Variants in ROBO1 observed in about 807,000 individuals in gnomAD.
The protein encoded by ROBO1 is roundabout guidance receptor 1.
A neutral mutation model predicts 195.9 loss-of-function variants in ROBO1; 149 were observed. The observed-to-expected ratio is 0.76, with a 90% confidence interval of 0.67 to 0.87. The LOEUF is 0.87. Ranked by LOEUF, ROBO1 falls within the 40% of genes least tolerant of loss-of-function variation. The pLI, the probability that ROBO1 is intolerant of heterozygous loss-of-function variation, is 0.00. For missense variants in ROBO1, 1,933 were observed against 2,068.3 expected, an observed-to-expected ratio of 0.93 and a Z score of 1.27; for synonymous variants, 816 against 733.2, an observed-to-expected ratio of 1.11 and a Z score of -1.82.
At chr3:78,728,317 G>A (rs1424963747) in intron 5 of ROBO1, among the ~76,000 whole-genome samples, 1 of 152,080 alleles carries the variant, frequency 6.6e-6, no homozygotes, top group Non-Finnish European at 1.5e-5. Flanking sequence ...AGGCTGTCGG[G>A]TAAACTTGTC....
At chr3:78,691,847 A>T (rs1276224234) in intron 8 of ROBO1, among the ~76,000 whole-genome samples, 1 of 152,126 alleles carries the variant, frequency 6.6e-6, no homozygotes, top group Non-Finnish European at 1.5e-5. Context: ...CTATCTTTTC[A>T]TTGAAATCTA....
intron 1 of ROBO1, among the ~76,000 whole-genome samples, chr3:79,632,232 A>G (rs1945366584): frequency 6.6e-6 from 1 of 152,140 alleles, no homozygotes; most frequent in Admixed American, 6.5e-5. Context: ...AATCATCTTA[A>G]GTGTCTACCA....
intron 2 of ROBO1, among the ~76,000 whole-genome samples, chr3:79,301,392 CTG>C (rs1221708870): frequency 6.6e-6 from 1 of 152,208 alleles, no homozygotes; most frequent in Non-Finnish European, 1.5e-5. Context: ...AATTTATAAA[CTG>C]TGTGTTTTAC....
At chr3:78,839,927 T>A (rs926823458) in intron 4 of ROBO1, among the ~76,000 whole-genome samples, 12 of 152,172 alleles carry the variant, frequency 7.9e-5, no homozygotes, top group African/African-American at 2.4e-4. Flanking sequence ...TTTATTAAGA[T>A]AACAGTGAAC....
intron 8 of ROBO1, among the ~76,000 whole-genome samples, chr3:78,696,769 G>A (rs1159403324): frequency 6.9e-6 from 1 of 145,502 alleles, no homozygotes; most frequent in Non-Finnish European, 1.5e-5. Flanking sequence ...TATATAAACT[G>A]GTTTTAAGGA....
chr3:79,049,197 C>T (rs1287264404), intron 3 of ROBO1, among the ~76,000 whole-genome samples: 1 of 152,056 alleles, frequency 6.6e-6, no homozygotes, highest in Non-Finnish European at 1.5e-5. Flanking sequence ...GTAGAGAAGA[C>T]ATTAAGTGAC....
intron 2 of ROBO1, among the ~76,000 whole-genome samples, chr3:79,390,718 C>T (rs945823970): frequency 2.6e-5 from 4 of 151,890 alleles, no homozygotes; most frequent in Admixed American, 2.0e-4. Flanking sequence ...AGGGAGGAGA[C>T]AGAGGAGTCT....
intron 4 of ROBO1, among the ~76,000 whole-genome samples, chr3:78,918,683 G>A (rs1006790442): frequency 3.3e-5 from 5 of 152,022 alleles, no homozygotes; most frequent in African/African-American, 1.2e-4. Context: ...AAATTTCCAA[G>A]TTTAGACTGT....
intron 1 of ROBO1, among the ~76,000 whole-genome samples, chr3:79,728,449 G>T (rs1005735854): frequency 3.9e-5 from 6 of 152,046 alleles, no homozygotes; most frequent in Non-Finnish European, 8.8e-5. Context: ...ATAACTCTTT[G>T]TTTTGTTATA....
intron 2 of ROBO1, among the ~76,000 whole-genome samples, chr3:79,455,322 A>G (rs1272587124): frequency 6.6e-6 from 1 of 152,122 alleles, no homozygotes; most frequent in African/African-American, 2.4e-5. Flanking sequence ...ACAGCTCATT[A>G]TGGACCAGAT....
intron 2 of ROBO1, among the ~76,000 whole-genome samples, chr3:79,384,181 T>G (rs904245857): frequency 2.6e-5 from 4 of 151,986 alleles, no homozygotes; most frequent in Non-Finnish European, 5.9e-5. Flanking sequence ...ATCTTATACT[T>G]TTATTATTTT....
chr3:78,606,230 T>C (rs746455912), intron 29 of ROBO1, among the ~76,000 whole-genome samples: 21 of 152,320 alleles, frequency 1.4e-4, no homozygotes, highest in African/African-American at 2.9e-4. Context: ...TACAGAACAG[T>C]TGTGTGATCT....
chr3:79,110,120 A>C (rs2079859020), intron 3 of ROBO1, among the ~76,000 whole-genome samples: 1 of 152,104 alleles, frequency 6.6e-6, no homozygotes. Context: ...CAAAATGGGG[A>C]CAATAAAACC....
chr3:78,827,884 T>C (rs1043743570), intron 4 of ROBO1, among the ~76,000 whole-genome samples: 2 of 152,178 alleles, frequency 1.3e-5, no homozygotes, highest in African/African-American at 4.8e-5. Context: ...TAAATGTTAA[T>C]CTAATCTGAA....
rs546722915 is a variant in ROBO1 at position 79,412,663 on chromosome 3, G to T, written c.88+177161C>A. ...AACAATCATCTTTCTTACTTAGCTT[G>T]TACTGTGGGATTTCTGTATTCAGAG... On this transcript the variant is annotated intron_variant, in intron 2 of 30. Coordinates refer to ENST00000464233, the MANE Select transcript of ROBO1 (RefSeq NM_002941.4). Among the ~76,000 whole-genome samples the T allele has an allele frequency of 1.2e-3, 190 of 152,134 alleles. 1 individual carries two copies. Among genetic ancestry groups the T allele is most frequent in the African/African-American group, 4.4e-3 (184 of 41,526 alleles).
At chr3:78,799,593 G>A (rs1196883963) in intron 4 of ROBO1, among the ~76,000 whole-genome samples, 1 of 151,844 alleles carries the variant, frequency 6.6e-6, no homozygotes, top group African/African-American at 2.4e-5. Flanking sequence ...CACCCACCTT[G>A]GCCTCCCAAA....
intron 2 of ROBO1, among the ~76,000 whole-genome samples, chr3:79,358,402 T>C (rs777742419): frequency 6.6e-6 from 1 of 152,052 alleles, no homozygotes. Context: ...CTGTGTCTCC[T>C]CTTTGGATTT....
At chr3:78,614,393 T>C (rs1459639372) in intron 28 of ROBO1, among the ~76,000 whole-genome samples, 3 of 152,222 alleles carry the variant, frequency 2.0e-5, no homozygotes, top group African/African-American at 4.8e-5. Context: ...TTTGAAACTA[T>C]AAAATAACTT....
At chr3:79,085,368 T>C (rs942694250) in intron 3 of ROBO1, among the ~76,000 whole-genome samples, 1 of 152,188 alleles carries the variant, frequency 6.6e-6, no homozygotes, top group Admixed American at 6.5e-5. Flanking sequence ...AACACTAACA[T>C]GTGTGATTGG....
Sources: allele counts gnomAD v4.1 joint callset (sites outside exome capture counted in the v4.1 genomes callset), GRCh38; gene constraint gnomAD v4.1.1; transcripts MANE v1.5; gene names NCBI Gene and HGNC (gene_info 2026-07-23, HGNC 2026-07-21).